ANO6: variants seen among roughly 807,000 people sequenced by gnomAD.
ANO6 encodes the protein anoctamin 6, also known as anoctamin-6.
In ANO6, 106 loss-of-function variants were observed where a neutral mutation model predicts 117.5. The ratio of observed to expected loss-of-function variants is 0.90; its 90% CI spans 0.77 to 1.06. The LOEUF is 1.06. ANO6 is among the 50% of genes least tolerant of loss of function. The probability of loss-of-function intolerance (pLI) is 0.00; values close to 1 mark genes in which losing one functional copy is unlikely to be tolerated. For missense variants in ANO6, 955 were observed against 1,121.1 expected, an observed-to-expected ratio of 0.85 and a Z score of 2.12; for synonymous variants, 367 against 385.1, an observed-to-expected ratio of 0.95 and a Z score of 0.55.
chr12:45,268,943 C>T (rs367615558), intron 1 of ANO6, among the ~76,000 whole-genome samples: 1 of 152,348 alleles, frequency 6.6e-6, no homozygotes, highest in South Asian at 2.1e-4. Flanking sequence ...TGGCAAGGGG[C>T]CAGCTCTCTA....
rs74080831 is a variant in ANO6, at chr12:45,357,605, A to G, written c.998+181A>G. ...TGAAATGGAAAAATTTTTTTCTTAG[A>G]TAATCCAACCCAGTGTCTGACATGA... On this transcript the variant is annotated intron_variant, in intron 8 of 19. Transcript: ENST00000320560. Among the ~76,000 whole-genome samples the G allele has an allele frequency of 0.033, 4,951 of 152,294 alleles. 244 individuals carry two copies. The highest frequency in any genetic ancestry group is 0.11 in the African/African-American group (4,568 of 41,526).
chr12:45,347,893 ATTG>A (rs922301677), intron 4 of ANO6, 132 bp from the exon 5 acceptor site: 8 of 834,164 alleles, frequency 9.6e-6, no homozygotes, highest in Non-Finnish European at 1.5e-5. Flanking sequence ...ATCTGTTTTT[ATTG>A]TTATCTTCAC....
At chr12:45,354,507 CAG>C (rs1257267880) in intron 7 of ANO6, among the ~76,000 whole-genome samples, 4 of 151,788 alleles carry the variant, frequency 2.6e-5, no homozygotes, top group African/African-American at 9.7e-5. Flanking sequence ...GAGAGAGGGA[CAG>C]AGAGATCCCA....
At chr12:45,295,060 A>G (rs1210283328) in intron 1 of ANO6, among the ~76,000 whole-genome samples, 1 of 152,230 alleles carries the variant, frequency 6.6e-6, no homozygotes, top group East Asian at 1.9e-4. Flanking sequence ...CTAAGCGTTA[A>G]GTGAGGTGCC....
chr12:45,296,393 A>T (rs1207166633), intron 1 of ANO6, among the ~76,000 whole-genome samples: 1 of 152,182 alleles, frequency 6.6e-6, no homozygotes, highest in African/African-American at 2.4e-5. Flanking sequence ...TACTTACATC[A>T]TCTAGCTCAA....
chr12:45,282,052 G>A (rs1368141957), intron 1 of ANO6, among the ~76,000 whole-genome samples: 3 of 149,288 alleles, frequency 2.0e-5, no homozygotes, highest in African/African-American at 5.2e-5. Flanking sequence ...TGGGGGATGC[G>A]GAAGGGAGGC....
chr12:45,309,372 G>A (rs536519981), intron 2 of ANO6, among the ~76,000 whole-genome samples: 8 of 152,160 alleles, frequency 5.3e-5, no homozygotes, highest in African/African-American at 1.9e-4. Flanking sequence ...TATTCACATG[G>A]ACCTGAAATG....
chr12:45,291,462 C>T lies in ANO6; in HGVS notation c.71-10552C>T, dbSNP rs76302035. 6.7e-4 allele frequency among the ~76,000 whole-genome samples: 98 copies of T among 146,012 alleles called. No homozygotes were observed. In the East Asian group the frequency reaches 0.019, roughly 28 times the overall value. ...CAAAAAAAAAATTAAAAATAGATAA[C>T]GGGACTTGAGAAAATTAAAAATTTT... On this transcript the variant is annotated intron_variant, in intron 1 of 19. Coordinates refer to ENST00000320560, the MANE Select transcript of ANO6 (RefSeq NM_001025356.3).
intron 9 of ANO6, among the ~76,000 whole-genome samples, chr12:45,371,019 G>C (rs1321999125): frequency 6.6e-6 from 1 of 152,024 alleles, no homozygotes; most frequent in Non-Finnish European, 1.5e-5. Flanking sequence ...TGCGCGAGCC[G>C]AAGCAGGGTG....
intron 4 of ANO6, 145 bp downstream of exon 4, chr12:45,347,232 C>A: frequency 1.3e-6 from 1 of 763,800 alleles, no homozygotes; most frequent in Admixed American, 2.1e-5. Context: ...TCAAAATCTG[C>A]ATTGTGTAGG....
At chr12:45,349,153 A>G (rs1206542508) in intron 6 of ANO6, among the ~76,000 whole-genome samples, 1 of 152,220 alleles carries the variant, frequency 6.6e-6, no homozygotes, top group Non-Finnish European at 1.5e-5. Flanking sequence ...AGATGTTATT[A>G]TCAACCAGAA....
chr12:45,313,088 T>A (rs1379912660), intron 2 of ANO6: 2 of 152,030 alleles, frequency 1.3e-5, no homozygotes, highest in African/African-American at 4.8e-5. Context: ...AAAAAGCAAA[T>A]ATACCATCTG....
At chr12:45,305,234 C>A (rs1410978636) in intron 2 of ANO6, among the ~76,000 whole-genome samples, 1 of 152,080 alleles carries the variant, frequency 6.6e-6, no homozygotes, top group Non-Finnish European at 1.5e-5. Context: ...GGTAAGAGTC[C>A]AGGTGAAAGG....
chr12:45,344,897 T>C (rs1435782548), intron 3 of ANO6, among the ~76,000 whole-genome samples: 1 of 152,110 alleles, frequency 6.6e-6, no homozygotes, highest in African/African-American at 2.4e-5. Flanking sequence ...GGGTGGAAAG[T>C]GCTGAAGAAC....
At chr12:45,315,341 G>A (rs2137345750) in intron 2 of ANO6, among the ~76,000 whole-genome samples, 1 of 152,152 alleles carries the variant, frequency 6.6e-6, no homozygotes, top group South Asian at 2.1e-4. Flanking sequence ...GGAACTGGGG[G>A]AGAAGCAACG....
chr12:45,320,583 A>C (rs557175025), intron 2 of ANO6, among the ~76,000 whole-genome samples: 3 of 152,262 alleles, frequency 2.0e-5, no homozygotes, highest in Non-Finnish European at 4.4e-5. Flanking sequence ...TGCTGAGAAG[A>C]ATGTATATTC....
At chr12:45,360,057 C>T (rs1941514593) in intron 8 of ANO6, among the ~76,000 whole-genome samples, 1 of 152,126 alleles carries the variant, frequency 6.6e-6, no homozygotes, top group Non-Finnish European at 1.5e-5. Flanking sequence ...ATTTGTATAG[C>T]TTCTTTGGAA....
chr12:45,391,694 C>G (rs541914329), intron 12 of ANO6, among the ~76,000 whole-genome samples: 1 of 152,168 alleles, frequency 6.6e-6, no homozygotes, highest in Non-Finnish European at 1.5e-5. Flanking sequence ...TGGCGAAACC[C>G]TGTCTTTACT....
At chr12:45,291,017 G>T (rs78330037) in intron 1 of ANO6, among the ~76,000 whole-genome samples, 1 of 152,096 alleles carries the variant, frequency 6.6e-6, no homozygotes. Flanking sequence ...TTTGAAAAGC[G>T]TGCCAGATAC....
Sources: allele counts gnomAD v4.1 joint callset (sites outside exome capture counted in the v4.1 genomes callset), GRCh38; gene constraint gnomAD v4.1.1; transcripts MANE v1.5; gene names NCBI Gene and HGNC (gene_info 2026-07-23, HGNC 2026-07-21).